ERICH2: variants seen among roughly 807,000 people sequenced by gnomAD.
ERICH2 encodes glutamate rich 2.
In ERICH2, 17 loss-of-function variants were observed where a neutral mutation model predicts 17.4. The observed-to-expected ratio is 0.98, with a 90% confidence interval of 0.67 to 1.47. The LOEUF (loss-of-function observed/expected upper bound fraction) is 1.47, where lower values mean the gene tolerates loss of function less well. Ranked by LOEUF, ERICH2 falls within the 40% of genes most tolerant of loss-of-function variation. The pLI, the probability that ERICH2 is intolerant of heterozygous loss-of-function variation, is 0.00. For synonymous variants in ERICH2, 51 were observed against 61.1 expected (o/e 0.83, Z 0.77); for missense variants, 186 against 183.2 (o/e 1.01, Z -0.09).
At chr2:170,774,486 A>G in the ERICH2 span, among the ~76,000 whole-genome samples, 4 of 152,062 alleles carry the variant, frequency 2.6e-5, no homozygotes, top group African/African-American at 4.8e-5. Flanking sequence ...TAAAGAAGTT[A>G]AGTGACTTCT....
chr2:170,773,590 AAGAAGTT>A, the ERICH2 span, among the ~76,000 whole-genome samples: 1 of 152,244 alleles, frequency 6.6e-6, no homozygotes, highest in African/African-American at 2.4e-5. Flanking sequence ...ACATACATAT[AAGAAGTT>A]AGTACCCGTT....
intron 2 of ERICH2, among the ~76,000 whole-genome samples, chr2:170,788,419 T>C (rs1217627902): frequency 1.3e-5 from 2 of 152,218 alleles, no homozygotes; most frequent in Non-Finnish European, 2.9e-5. Flanking sequence ...TTTTGTACTG[T>C]GCATAAGATT....
chr2:170,797,055 G>A (rs1701444027), intron 3 of ERICH2, among the ~76,000 whole-genome samples: 1 of 152,166 alleles, frequency 6.6e-6, no homozygotes, highest in Admixed American at 6.5e-5. Flanking sequence ...TGACATAAAG[G>A]ATCAGCAGAA....
chr2:170,775,891 C>T, the ERICH2 span, among the ~76,000 whole-genome samples: 39,890 of 151,876 alleles, frequency 0.26, 6,232 homozygotes, highest in East Asian at 0.57. Context: ...GAAATAATGA[C>T]GCTTTGCTTT....
chr2:170,772,064 T>C, the ERICH2 span, among the ~76,000 whole-genome samples: 1 of 152,234 alleles, frequency 6.6e-6, no homozygotes, highest in Non-Finnish European at 1.5e-5. Flanking sequence ...ATAGTTTTGG[T>C]TTTTGTAATC....
At chr2:170,791,131 A>ACT (rs1701279004) in intron 2 of ERICH2, among the ~76,000 whole-genome samples, 1 of 152,214 alleles carries the variant, frequency 6.6e-6, no homozygotes, top group Non-Finnish European at 1.5e-5. Flanking sequence ...AGGAAAGAAA[A>ACT]TGAAAATGTC....
chr2:170,770,776 GT>G, the ERICH2 span: 1 of 155,078 alleles, frequency 6.4e-6, no homozygotes, highest in Admixed American at 6.5e-5. Flanking sequence ...TGTGCGCCCA[GT>G]TTCCGGCGCC....
At chr2:170,783,765 C>T (rs1701082233), upstream of ERICH2, 2 of 1,547,798 alleles carry the variant, frequency 1.3e-6, no homozygotes, top group East Asian at 2.4e-5. Flanking sequence ...TTATGACCTC[C>T]CTTGGTGACA....
chr2:170,775,356 C>T, the ERICH2 span, among the ~76,000 whole-genome samples: 1 of 151,990 alleles, frequency 6.6e-6, no homozygotes, highest in African/African-American at 2.4e-5. Flanking sequence ...TGCTTGAGCC[C>T]AGGTGATCGA....
At chr2:170,775,276 A>T in the ERICH2 span, among the ~76,000 whole-genome samples, 29 of 151,942 alleles carry the variant, frequency 1.9e-4, no homozygotes, top group African/African-American at 2.7e-4. Context: ...AAAATAAAAA[A>T]AAAAAAATAG....
intron 3 of ERICH2, among the ~76,000 whole-genome samples, chr2:170,796,875 G>A (rs1165733889): frequency 6.6e-6 from 1 of 152,120 alleles, no homozygotes; most frequent in African/African-American, 2.4e-5. Flanking sequence ...CTCAAGGCTG[G>A]TAGGAAGAAG....
At chr2:170,794,774 T>C (rs1701375800) in intron 3 of ERICH2, among the ~76,000 whole-genome samples, 1 of 152,228 alleles carries the variant, frequency 6.6e-6, no homozygotes, top group African/African-American at 2.4e-5. Context: ...AGCACAAGGA[T>C]TGAGTGACGG....
At chr2:170,783,992 G>T (rs758511292) in intron 1 of ERICH2, 42 of 1,317,480 alleles carry the variant, frequency 3.2e-5, no homozygotes, top group South Asian at 2.1e-4. Flanking sequence ...ACCTTTTTTT[G>T]TTGTTGTTGT....
the ERICH2 span, among the ~76,000 whole-genome samples, chr2:170,770,460 T>G: frequency 6.6e-6 from 1 of 152,138 alleles, no homozygotes; most frequent in Non-Finnish European, 1.5e-5. Flanking sequence ...TCTAATCACT[T>G]GAATCTGACT....
In ERICH2 at chr2:170,798,040, G is replaced by T. The variant is rs576235138; in HGVS notation, c.275-1G>T. 13 of 1,544,874 alleles carry T rather than the reference G, an allele frequency of 8.4e-6. No individual in the cohort carries two copies. The East Asian group carries it at 2.7e-4, about 32-fold the overall frequency. ...ATTCTGTTGTCCATTTTCATTTTCA[G>T]TCCTAATCTATGAACCAGAAAATCC... is the stretch of plus-strand genomic sequence containing the variant. On this transcript the variant is annotated splice_acceptor_variant, in intron 3 of 4. Transcript: ENST00000409885. LOFTEE classifies it high-confidence loss of function.
intron 2 of ERICH2, among the ~76,000 whole-genome samples, chr2:170,790,499 C>T (rs541186141): frequency 4.9e-4 from 75 of 152,266 alleles, no homozygotes; most frequent in African/African-American, 1.7e-3. Context: ...TGGTGGCAGG[C>T]GCCTATAATC....
At chr2:170,784,870 A>T in intron 2 of ERICH2, 37 bp downstream of exon 7, 1 of 1,359,340 alleles carries the variant, frequency 7.4e-7, no homozygotes, top group Non-Finnish European at 9.6e-7. Flanking sequence ...AAGAAACTTT[A>T]AAATATTGAA....
At chr2:170,795,808 AC>A (rs796467781) in intron 3 of ERICH2, among the ~76,000 whole-genome samples, 42 of 152,290 alleles carry the variant, frequency 2.8e-4, no homozygotes, top group African/African-American at 1.0e-3. Flanking sequence ...TCTTTAGGGT[AC>A]CACACTTCTG....
the ERICH2 span, chr2:170,777,348 G>A: frequency 1.1e-6 from 1 of 919,742 alleles, no homozygotes; most frequent in Non-Finnish European, 1.3e-6. Context: ...AAATAATAAT[G>A]CTAGTTTTTA....
Sources: allele counts gnomAD v4.1 joint callset (sites outside exome capture counted in the v4.1 genomes callset), GRCh38; gene constraint gnomAD v4.1.1; transcripts MANE v1.5; gene names NCBI Gene and HGNC (gene_info 2026-07-23, HGNC 2026-07-21).